The following FYB2 variants were observed in gnomAD, a reference collection of about 807,000 sequenced individuals.
FYB2 encodes FYN-binding protein 2.
Under a neutral mutation model 94.1 loss-of-function variants are expected in FYB2, and 103 were observed. The ratio of observed to expected loss-of-function variants is 1.09; its 90% CI spans 0.93 to 1.29. The LOEUF is 1.29. Among genes scored for constraint, FYB2 ranks in the 50% most tolerant of loss-of-function variants. FYB2 has a pLI of 0.00. For missense variants in FYB2, 896 were observed against 841.5 expected (o/e 1.06, Z -0.80); for synonymous variants, 293 against 287.9 (o/e 1.02, Z -0.18).
intron 6 of FYB2, among the ~76,000 whole-genome samples, chr1:56,757,711 TTTCTTTCTTTCTTTCTTTCTTTCA>T (rs1408103626): frequency 0.057 from 5,459 of 96,288 alleles, 225 homozygotes; most frequent in African/African-American, 0.13. Flanking sequence ...TCTTTCTTTC[TTTCTTTCTTTCTTTCTTTCTTTCA>T]TTCTTTCTTT....
intron 1 of FYB2, among the ~76,000 whole-genome samples, chr1:56,813,629 G>A (rs1486973733): frequency 6.6e-6 from 1 of 152,134 alleles, no homozygotes; most frequent in East Asian, 1.9e-4. Context: ...AGGTGCTGGG[G>A]GTTAGGACTT....
intron 1 of FYB2, among the ~76,000 whole-genome samples, chr1:56,799,234 C>A (rs953404105): frequency 1.3e-5 from 2 of 152,106 alleles, no homozygotes; most frequent in Admixed American, 1.3e-4. Flanking sequence ...TCCAGGACTG[C>A]TTTTATTTAT....
At chr1:56,747,902 C>T (rs1296070781) in intron 9 of FYB2, among the ~76,000 whole-genome samples, 2 of 152,120 alleles carry the variant, frequency 1.3e-5, no homozygotes, top group African/African-American at 2.4e-5. Context: ...CACAGCCTCA[C>T]CAGCATCTGT....
intron 1 of FYB2, among the ~76,000 whole-genome samples, chr1:56,804,928 C>A (rs1646607727): frequency 6.6e-6 from 1 of 152,174 alleles, no homozygotes; most frequent in South Asian, 2.1e-4. Flanking sequence ...CTGCCTCTAA[C>A]TCACCCCTGC....
At chr1:56,742,827 C>A (rs1238321874) in intron 11 of FYB2, among the ~76,000 whole-genome samples, 1 of 151,994 alleles carries the variant, frequency 6.6e-6, no homozygotes, top group Non-Finnish European at 1.5e-5. Context: ...AATGAGTGTA[C>A]TGGGTTTAAT....
intron 14 of FYB2, among the ~76,000 whole-genome samples, chr1:56,737,908 G>A (rs2100584807): frequency 6.6e-6 from 1 of 152,056 alleles, no homozygotes; most frequent in Middle Eastern, 3.4e-3. Flanking sequence ...ATTTTATCAG[G>A]TATATATAAT....
chr1:56,719,901 C>A, intron 19 of FYB2, 121 bp downstream of exon 19: 1 of 1,102,098 alleles, frequency 9.1e-7, no homozygotes, highest in Non-Finnish European at 1.3e-6. Context: ...TAGGGCACTG[C>A]ATGTCTAATT....
intron 4 of FYB2, among the ~76,000 whole-genome samples, chr1:56,775,781 C>G (rs1245955507): frequency 2.0e-5 from 3 of 152,110 alleles, no homozygotes; most frequent in East Asian, 1.9e-4. Flanking sequence ...TCAGAGTATA[C>G]AGCAAGGAGG....
chr1:56,765,093 C>T (rs549726849), intron 5 of FYB2, among the ~76,000 whole-genome samples: 2 of 152,180 alleles, frequency 1.3e-5, no homozygotes, highest in African/African-American at 4.8e-5. Flanking sequence ...GAGAAAACAG[C>T]ACCTCATCAC....
chr1:56,800,360 A>G (rs1162919441), intron 1 of FYB2, among the ~76,000 whole-genome samples: 2 of 152,180 alleles, frequency 1.3e-5, no homozygotes, highest in African/African-American at 2.4e-5. Flanking sequence ...CTTGGTACCA[A>G]TGATTAATTC....
chr1:56,766,067 G>A (rs1570065391), intron 5 of FYB2, among the ~76,000 whole-genome samples: 2 of 152,164 alleles, frequency 1.3e-5, no homozygotes, highest in African/African-American at 4.8e-5. Context: ...TAGTTGGAAC[G>A]TGGCCCAAAT....
chr1:56,797,850 A>G (rs1401331958), intron 1 of FYB2, among the ~76,000 whole-genome samples: 1 of 152,200 alleles, frequency 6.6e-6, no homozygotes, highest in Non-Finnish European at 1.5e-5. Flanking sequence ...GTTTTTCTTT[A>G]TAGCACCTAT....
chr1:56,726,812 A>C lies in FYB2; in HGVS notation c.1794-229T>G, dbSNP rs150011554. The stretch of plus-strand genomic sequence containing the variant: ...TGTTGCAACTTTATACACAGAAACA[A>C]GTGGCAGGCCATATTTGGTCCTCAG... On this transcript the variant is annotated intron_variant, in intron 15 of 19. Coordinates refer to ENST00000343433, the MANE Select transcript of FYB2 (RefSeq NM_001004303.5). Among the ~76,000 whole-genome samples, 106 of 152,216 alleles carry C rather than the reference A, an allele frequency of 7.0e-4. 2 individuals are homozygous for C. In the East Asian group the frequency reaches 0.016, roughly 23 times the overall value.
chr1:56,727,308 G>A (rs1644603865), intron 15 of FYB2, among the ~76,000 whole-genome samples: 1 of 151,982 alleles, frequency 6.6e-6, no homozygotes, highest in South Asian at 2.1e-4. Flanking sequence ...TTATGAATTT[G>A]CATTCCCTAT....
intron 1 of FYB2, among the ~76,000 whole-genome samples, chr1:56,813,545 G>A (rs1225302307): frequency 2.0e-5 from 3 of 152,082 alleles, no homozygotes; most frequent in Non-Finnish European, 4.4e-5. Flanking sequence ...ATGAAATTTG[G>A]GTGGGAACAC....
At chr1:56,817,718 T>A (rs933522285) in intron 1 of FYB2, among the ~76,000 whole-genome samples, 5 of 152,100 alleles carry the variant, frequency 3.3e-5, no homozygotes, top group Non-Finnish European at 7.4e-5. Context: ...CTTATTTCTC[T>A]CTTGATTTTT....
intron 17 of FYB2, chr1:56,720,782 G>A (rs574702863): frequency 6.5e-6 from 1 of 153,542 alleles, no homozygotes; most frequent in Admixed American, 6.5e-5. Flanking sequence ...CCTATCCCCA[G>A]ACAGACCCCA....
chr1:56,788,560 T>C (rs1287980230), intron 3 of FYB2, among the ~76,000 whole-genome samples: 1 of 152,174 alleles, frequency 6.6e-6, no homozygotes, highest in Non-Finnish European at 1.5e-5. Context: ...TATGGAGGCC[T>C]GAGGGGCTCC....
intron 4 of FYB2, among the ~76,000 whole-genome samples, chr1:56,770,349 A>T (rs1645725533): frequency 6.6e-6 from 1 of 152,162 alleles, no homozygotes; most frequent in South Asian, 2.1e-4. Context: ...TCTCTACCAA[A>T]TAGTTTTATA....
Sources: gnomAD v4.1 joint callset for allele counts (sites outside exome capture counted in the v4.1 genomes callset) on GRCh38, gnomAD v4.1.1 for gene constraint, MANE v1.5 for transcripts, NCBI Gene and HGNC (gene_info 2026-07-23, HGNC 2026-07-21) for gene names.